JCAD: variants seen among roughly 807,000 people sequenced by gnomAD.
The protein encoded by JCAD is junctional cadherin 5-associated protein.
JCAD carries 40 observed loss-of-function variants against 98.0 expected under a neutral mutation model. The ratio of observed to expected loss-of-function variants is 0.41; its 90% confidence interval spans 0.32 to 0.53. The LOEUF (loss-of-function observed/expected upper bound fraction) is 0.53, where lower values mean the gene tolerates loss of function less well. Ranked by LOEUF, JCAD falls within the 20% of genes least tolerant of loss-of-function variation. The pLI is 0.31. For synonymous variants in JCAD, 691 were observed against 682.3 expected, an observed-to-expected ratio of 1.01 and a Z score of -0.20; for missense variants, 1,705 against 1,738.1, an observed-to-expected ratio of 0.98 and a Z score of 0.34.
At chr10:30,102,499 A>G (rs1240014316) in intron 1 of JCAD, among the ~76,000 whole-genome samples, 1 of 152,192 alleles carries the variant, frequency 6.6e-6, no homozygotes, top group Non-Finnish European at 1.5e-5. Flanking sequence ...AGTGCACATT[A>G]CAATATTAAC....
At position 30,100,222 on chromosome 10, in the gene JCAD, C is replaced by T. The variant is rs1232985670; in HGVS notation, n.128+15145G>A. Among the ~76,000 whole-genome samples, 4 of 151,948 alleles carry T rather than the reference C, an allele frequency of 2.6e-5. 1 individual carries two copies. The highest frequency in any genetic ancestry group is 5.9e-5 in the Non-Finnish European group (4 of 67,998). ...TTACATTCAAGTGCTATTTCTTTTACGGCACTGAAACTTTATTTATAACAT... is the reference window on the plus strand; with the variant it reads ...TTACATTCAAGTGCTATTTCTTTTATGGCACTGAAACTTTATTTATAACAT... On this transcript the variant is annotated intron_variant and non_coding_transcript_variant, in intron 1 of 2. Transcript: ENST00000465712.
At chr10:30,112,750 T>G (rs1450024467) in intron 1 of JCAD, among the ~76,000 whole-genome samples, 1 of 151,146 alleles carries the variant, frequency 6.6e-6, no homozygotes, top group African/African-American at 2.4e-5. Context: ...CACATGCCTG[T>G]AATCCCAGCT....
intron 1 of JCAD, among the ~76,000 whole-genome samples, chr10:30,092,034 CAAAAAAAAAAAAAAAAA>C (rs1198107053): frequency 1.0e-3 from 37 of 35,390 alleles, no homozygotes; most frequent in South Asian, 8.3e-3. Flanking sequence ...TCCCCCACCA[CAAAAAAAAAAAAAAAAA>C]AAAAAAAAAA....
chr10:30,115,493 C>T (rs1297528672), exon 1 of JCAD: 2 of 152,144 alleles, frequency 1.3e-5, no homozygotes, highest in African/African-American at 2.4e-5. Flanking sequence ...AGTTTGAGCT[C>T]TGAATAGAGG....
intron 1 of JCAD, among the ~76,000 whole-genome samples, chr10:30,056,283 A>T (rs1837568522): frequency 6.6e-6 from 1 of 152,224 alleles, no homozygotes; most frequent in Non-Finnish European, 1.5e-5. Flanking sequence ...AATAAAAAAA[A>T]GCCAAGTCTT....
In JCAD at chr10:30,027,999, C is replaced by T; in HGVS notation, c.2149G>A (p.Ala717Thr). The change falls in exon 3 of 4, where the codon GCA becomes ACA. Residue 717 changes from alanine to threonine, a missense_variant. Coordinates refer to ENST00000375377, the MANE Select transcript of JCAD (RefSeq NM_020848.4). ...GAKLGGPSRA[A>T]LSPKCSDPAA... ...GGGTCTGAACATTTTGGACTCAATGCTGCACGACTCGGCCCTCCCAGCTTT... is the reference window on the plus strand; with the variant it reads ...GGGTCTGAACATTTTGGACTCAATGTTGCACGACTCGGCCCTCCCAGCTTT... The T allele has an allele frequency of 6.2e-7, 1 of 1,614,260 alleles. No individual in the cohort carries two copies. Among genetic ancestry groups the T allele is most frequent in the Admixed American group, 1.7e-5 (1 of 60,034 alleles).
chr10:30,073,950 T>C (rs1837938865), intron 1 of JCAD, among the ~76,000 whole-genome samples: 1 of 152,094 alleles, frequency 6.6e-6, no homozygotes, highest in South Asian at 2.1e-4. Context: ...AATGAGAAGA[T>C]TCTTATGTAA....
At position 30,025,699 on chromosome 10, in the gene JCAD, G is replaced by A. The variant is rs534954167; in HGVS notation, c.4045+404C>T. Among the ~76,000 whole-genome samples, 372 of 152,006 alleles carry A rather than the reference G, an allele frequency of 2.4e-3. 2 individuals are homozygous for A. Among genetic ancestry groups the A allele is most frequent in the African/African-American group, 8.4e-3 (350 of 41,462 alleles). ...GCTCAGGAGTTCGAGACCAGCCTGA[G>A]TAACATAGTGGGATCTCGTCTCTAT... On this transcript the variant is annotated intron_variant, in intron 3 of 3. Transcript: ENST00000375377.
rs112909690 is a variant in JCAD, at chr10:30,088,235, C to T, written n.129-18414G>A. 5.1e-3 allele frequency among the ~76,000 whole-genome samples: 780 copies of T among 152,276 alleles called. 9 individuals are homozygous for T. Among genetic ancestry groups the T allele is most frequent in the African/African-American group, 0.018 (744 of 41,556 alleles). ...AGTGTGAAAATTAGAAATAGGAAGT[C>T]AGTCTGACTGTTGATCCAGCTTCGA... On this transcript the variant is annotated intron_variant and non_coding_transcript_variant, in intron 1 of 2. Coordinates refer to the JCAD transcript ENST00000465712.
At chr10:30,095,586 C>T (rs1437373625) in intron 1 of JCAD, among the ~76,000 whole-genome samples, 2 of 152,214 alleles carry the variant, frequency 1.3e-5, no homozygotes, top group African/African-American at 2.4e-5. Context: ...TTCTCATTTG[C>T]ACTTCATGTA....
intron 1 of JCAD, among the ~76,000 whole-genome samples, chr10:30,051,294 A>AC (rs1203014245): frequency 6.6e-6 from 1 of 151,718 alleles, no homozygotes; most frequent in African/African-American, 2.4e-5. Flanking sequence ...GCACACACAC[A>AC]CACACACACA....
At chr10:30,110,135 G>T (rs2132719792) in intron 1 of JCAD, among the ~76,000 whole-genome samples, 1 of 151,620 alleles carries the variant, frequency 6.6e-6, no homozygotes, top group South Asian at 2.1e-4. Context: ...ACTCCCCGCT[G>T]ATGTATAGAC....
intron 2 of JCAD, among the ~76,000 whole-genome samples, chr10:30,036,786 T>C (rs927351306): frequency 3.3e-5 from 5 of 152,236 alleles, no homozygotes; most frequent in African/African-American, 1.2e-4. Context: ...TGCTTCGCTG[T>C]GGTCATTGGG....
At chr10:30,109,095 C>T (rs1838642362) in intron 1 of JCAD, among the ~76,000 whole-genome samples, 2 of 152,112 alleles carry the variant, frequency 1.3e-5, no homozygotes, top group Admixed American at 6.6e-5. Flanking sequence ...CCTCAGGCTG[C>T]CCCTCCCCAG....
rs1023839414 is a variant in JCAD, at chr10:30,016,607, C to A, written c.*1276G>T. 69 of 151,598 alleles carry A rather than the reference C, an allele frequency of 4.6e-4. No individual in the cohort carries two copies. The highest frequency in any genetic ancestry group is 1.5e-3 in the African/African-American group (62 of 41,350). The allele number at this position is 151,598 out of a possible 1,614,324, so 9.4% of individuals were successfully genotyped here. A position where few individuals can be genotyped will look rare whatever the true frequency, so the allele number is the denominator to read the frequency against. On this transcript the variant is annotated 3_prime_UTR_variant, in exon 4 of 4. Coordinates refer to ENST00000375377, the MANE Select transcript of JCAD (RefSeq NM_020848.4). The stretch of plus-strand genomic sequence containing the variant: ...TCCCCAAGCACTTTCTAAAAATATG[C>A]AGAGACTAATTCAAGATCATTCTAG...
intron 1 of JCAD, among the ~76,000 whole-genome samples, chr10:30,081,196 C>G (rs12258321): frequency 0.016 from 2,415 of 152,186 alleles, 57 homozygotes; most frequent in African/African-American, 0.055. Context: ...GAATTTGTAC[C>G]ATGGATTAGT....
At chr10:30,068,447 T>G (rs1158628513) in intron 2 of JCAD, among the ~76,000 whole-genome samples, 1 of 150,342 alleles carries the variant, frequency 6.7e-6, no homozygotes, top group East Asian at 1.9e-4. Context: ...AAGAAAACTT[T>G]CCATTTCATT....
upstream of JCAD, among the ~76,000 whole-genome samples, chr10:30,060,973 A>G (rs1161233172): frequency 6.6e-6 from 1 of 152,194 alleles, no homozygotes; most frequent in Non-Finnish European, 1.5e-5. Context: ...CGAACAATGT[A>G]ATTGAATGTT....
chr10:30,034,244 A>AATAATG (rs1199132766), intron 2 of JCAD, among the ~76,000 whole-genome samples: 12 of 151,170 alleles, frequency 7.9e-5, no homozygotes, highest in African/African-American at 2.7e-4. Context: ...TAATAATAAT[A>AATAATG]ATAATGATAA....
Sources: gnomAD v4.1 joint callset for allele counts (sites outside exome capture counted in the v4.1 genomes callset) on GRCh38, gnomAD v4.1.1 for gene constraint, MANE v1.5 for transcripts, NCBI Gene and HGNC (gene_info 2026-07-23, HGNC 2026-07-21) for gene names.